The following ROBO2 variants were observed in gnomAD, a reference collection of about 807,000 sequenced individuals.
ROBO2 encodes the protein roundabout guidance receptor 2.
In ROBO2, 53 loss-of-function variants were observed where a neutral mutation model predicts 160.8. That is an observed-to-expected ratio of 0.33 (90% CI 0.26 to 0.41). The LOEUF (loss-of-function observed/expected upper bound fraction) is 0.41, where lower values mean the gene tolerates loss of function less well. ROBO2 is among the 10% of genes least tolerant of loss of function. The pLI is 1.00. For synonymous variants in ROBO2, 664 were observed against 611.7 expected (o/e 1.09, Z -1.26); for missense variants, 1,577 against 1,722.4 (o/e 0.92, Z 1.49).
chr3:76,404,220 A>G (rs959243333), intron 2 of ROBO2, among the ~76,000 whole-genome samples: 4 of 151,726 alleles, frequency 2.6e-5, no homozygotes, highest in Non-Finnish European at 3.0e-5. Context: ...TAATGACAAC[A>G]TAGAATCAAA....
At chr3:76,297,106 C>G (rs1013207769) in intron 2 of ROBO2, among the ~76,000 whole-genome samples, 5 of 152,158 alleles carry the variant, frequency 3.3e-5, no homozygotes, top group African/African-American at 1.2e-4. Flanking sequence ...AGGCAATTGT[C>G]TGACATACTG....
chr3:76,392,431 AT>A (rs1211737178), intron 2 of ROBO2, among the ~76,000 whole-genome samples: 2 of 152,186 alleles, frequency 1.3e-5, no homozygotes, highest in African/African-American at 4.8e-5. Flanking sequence ...TATCATAGAC[AT>A]TAATAACGTC....
At chr3:76,830,404 T>C (rs894461739) in intron 2 of ROBO2, among the ~76,000 whole-genome samples, 5 of 152,158 alleles carry the variant, frequency 3.3e-5, no homozygotes, top group African/African-American at 4.8e-5. Flanking sequence ...TTCTAGTTTT[T>C]CTCTTTCTTT....
chr3:75,937,643 G>A (rs80235520), intron 2 of ROBO2: 23 of 1,242,172 alleles, frequency 1.9e-5, no homozygotes, highest in East Asian at 2.6e-5. Flanking sequence ...AGTTGGATGC[G>A]AATTTCACTT....
chr3:76,757,086 G>A (rs2061018106), intron 2 of ROBO2, among the ~76,000 whole-genome samples: 1 of 151,678 alleles, frequency 6.6e-6, no homozygotes, highest in Admixed American at 6.6e-5. Flanking sequence ...TCTATTTAAG[G>A]TATTTGTTTA....
intron 2 of ROBO2, among the ~76,000 whole-genome samples, chr3:76,419,603 T>A (rs2325009): frequency 6.6e-6 from 1 of 151,872 alleles, no homozygotes; most frequent in Non-Finnish European, 1.5e-5. Context: ...AAAACTAGAT[T>A]ACCCTGTGTT....
chr3:77,327,721 T>TATG (rs2065556618), intron 2 of ROBO2, among the ~76,000 whole-genome samples: 1 of 152,044 alleles, frequency 6.6e-6, no homozygotes, highest in African/African-American at 2.4e-5. Context: ...TTTCAAAAAC[T>TATG]ATGTTGACCC....
intron 2 of ROBO2, among the ~76,000 whole-genome samples, chr3:77,302,439 C>G (rs548937880): frequency 1.3e-5 from 2 of 152,224 alleles, no homozygotes; most frequent in East Asian, 3.9e-4. Context: ...GGCTTACTTT[C>G]CTTGTCTCCC....
intron 2 of ROBO2, among the ~76,000 whole-genome samples, chr3:77,376,507 A>C (rs2072693438): frequency 6.6e-6 from 1 of 152,018 alleles, no homozygotes; most frequent in African/African-American, 2.4e-5. Flanking sequence ...ATTCCTCTTG[A>C]TTTTGCATTA....
intron 2 of ROBO2, among the ~76,000 whole-genome samples, chr3:76,506,596 TC>T (rs2080811028): frequency 6.6e-6 from 1 of 152,332 alleles, no homozygotes; most frequent in South Asian, 2.1e-4. Flanking sequence ...TTTCCCTTAT[TC>T]TTTGTACCTT....
chr3:76,415,365 G>A (rs1436920408), intron 2 of ROBO2, among the ~76,000 whole-genome samples: 1 of 152,196 alleles, frequency 6.6e-6, no homozygotes, highest in Non-Finnish European at 1.5e-5. Flanking sequence ...CTCTGAAGAA[G>A]GCTAGATATC....
At chr3:76,376,475 C>A (rs1003933830) in intron 2 of ROBO2, among the ~76,000 whole-genome samples, 1 of 152,092 alleles carries the variant, frequency 6.6e-6, no homozygotes, top group Non-Finnish European at 1.5e-5. Context: ...TTTTAATCAG[C>A]TAGATGTAGA....
intron 2 of ROBO2, among the ~76,000 whole-genome samples, chr3:76,528,936 T>A (rs1015295699): frequency 6.6e-6 from 1 of 152,120 alleles, no homozygotes; most frequent in Admixed American, 6.6e-5. Context: ...CAGTCTCATA[T>A]TCTGATAGGC....
At chr3:77,437,084 C>A (rs2079371241) in intron 2 of ROBO2, among the ~76,000 whole-genome samples, 1 of 151,972 alleles carries the variant, frequency 6.6e-6, no homozygotes, top group Admixed American at 6.6e-5. Context: ...GAATACCTTG[C>A]ATAGTCCACA....
intron 2 of ROBO2, among the ~76,000 whole-genome samples, chr3:76,215,063 G>C (rs932166890): frequency 1.3e-5 from 2 of 152,150 alleles, no homozygotes; most frequent in Non-Finnish European, 2.9e-5. Flanking sequence ...GTCTGGAGTG[G>C]ACCTCCAGCA....
chr3:77,079,226 C>T (rs574963959), intron 1 of ROBO2, among the ~76,000 whole-genome samples: 9 of 152,278 alleles, frequency 5.9e-5, no homozygotes, highest in East Asian at 3.9e-4. Context: ...GGATTACACG[C>T]GTGAGCCACC....
upstream of ROBO2, among the ~76,000 whole-genome samples, chr3:77,037,373 A>C (rs1310929091): frequency 3.3e-5 from 5 of 152,200 alleles, no homozygotes; most frequent in African/African-American, 9.6e-5. Context: ...CAACAACCAC[A>C]ACAACAAAAG....
chr3:76,635,290 G>A (rs145974741), intron 2 of ROBO2, among the ~76,000 whole-genome samples: 10 of 152,172 alleles, frequency 6.6e-5, no homozygotes, highest in Non-Finnish European at 1.3e-4. Flanking sequence ...TATCATCTTC[G>A]TATGTACATA....
chr3:76,824,837 C>A (rs1269233019), intron 2 of ROBO2, among the ~76,000 whole-genome samples: 1 of 152,162 alleles, frequency 6.6e-6, no homozygotes, highest in Non-Finnish European at 1.5e-5. Flanking sequence ...TGCCCCATCA[C>A]TGAGATTCAG....
Sources: gnomAD v4.1 joint callset for allele counts (sites outside exome capture counted in the v4.1 genomes callset) on GRCh38, gnomAD v4.1.1 for gene constraint, MANE v1.5 for transcripts, NCBI Gene and HGNC (gene_info 2026-07-23, HGNC 2026-07-21) for gene names.